Variants in CDH18 observed in about 807,000 individuals in gnomAD.
The protein encoded by CDH18 is cadherin-18.
CDH18 carries 31 observed loss-of-function variants against 67.9 expected under a neutral mutation model. The observed-to-expected ratio is 0.46, with a 90% CI of 0.34 to 0.62. The LOEUF is 0.62. Ranked by LOEUF, CDH18 falls within the 20% of genes least tolerant of loss-of-function variation. The probability of loss-of-function intolerance (pLI) is 0.01; values close to 1 mark genes in which losing one functional copy is unlikely to be tolerated. For missense variants in CDH18, 890 were observed against 975.5 expected, an observed-to-expected ratio of 0.91 and a Z score of 1.17; for synonymous variants, 362 against 347.2, an observed-to-expected ratio of 1.04 and a Z score of -0.48.
intron 2 of CDH18, among the ~76,000 whole-genome samples, chr5:20,048,520 G>C (rs1428915641): frequency 6.6e-6 from 1 of 151,718 alleles, no homozygotes; most frequent in East Asian, 1.9e-4. Flanking sequence ...CAGCAAAGGT[G>C]TTGTTATACC....
intron 1 of CDH18, among the ~76,000 whole-genome samples, chr5:20,276,085 A>G (rs1004931479): frequency 6.6e-6 from 1 of 152,182 alleles, no homozygotes; most frequent in Non-Finnish European, 1.5e-5. Flanking sequence ...GAGGTTCTAA[A>G]TAATCTTGAA....
intron 1 of CDH18, among the ~76,000 whole-genome samples, chr5:20,389,477 G>A (rs550433379): frequency 1.3e-5 from 2 of 151,962 alleles, no homozygotes; most frequent in Non-Finnish European, 2.9e-5. Context: ...CCTGAATACA[G>A]CACACTGATG....
At chr5:20,121,300 A>C (rs541130647) in intron 2 of CDH18, among the ~76,000 whole-genome samples, 25 of 152,324 alleles carry the variant, frequency 1.6e-4, no homozygotes, top group African/African-American at 5.8e-4. Context: ...AGAATTTCCA[A>C]GTCATTGAGG....
intron 2 of CDH18, among the ~76,000 whole-genome samples, chr5:19,911,288 T>C (rs1791116126): frequency 6.6e-6 from 1 of 152,144 alleles, no homozygotes; most frequent in Admixed American, 6.6e-5. Flanking sequence ...TCCCTCTGTT[T>C]AGCAAGGGAA....
At chr5:19,598,957 G>C (rs537049637) in intron 6 of CDH18, among the ~76,000 whole-genome samples, 1 of 152,184 alleles carries the variant, frequency 6.6e-6, no homozygotes, top group African/African-American at 2.4e-5. Context: ...GCACTAATAT[G>C]TGACTATTAA....
At chr5:19,880,961 A>C (rs1787578396) in intron 2 of CDH18, among the ~76,000 whole-genome samples, 1 of 152,096 alleles carries the variant, frequency 6.6e-6, no homozygotes, top group Non-Finnish European at 1.5e-5. Context: ...AACAATTTCT[A>C]TTTACTCTTA....
Position 19,757,126 on chromosome 5 carries a change from A to C in CDH18, c.229-9890T>G, listed in dbSNP as rs145991159. The stretch of plus-strand genomic sequence containing the variant: ...CCCACTGCCACACTTTTTTGTTGTA[A>C]AGTGAGTGCCTTAGTTAGAGGCAAT... On this transcript the variant is annotated intron_variant, in intron 3 of 12. Coordinates refer to ENST00000382275, the MANE Select transcript of CDH18 (RefSeq NM_004934.5). Among the ~76,000 whole-genome samples the C allele has an allele frequency of 1.6e-3, 241 of 152,308 alleles. 1 individual carries two copies. The highest frequency in any genetic ancestry group is 5.2e-3 in the African/African-American group (216 of 41,572).
At chr5:19,611,270 A>G (rs1322607650) in intron 6 of CDH18, among the ~76,000 whole-genome samples, 1 of 151,946 alleles carries the variant, frequency 6.6e-6, no homozygotes, top group African/African-American at 2.4e-5. Context: ...ACAAGCATGC[A>G]AAAGTGCTGT....
At chr5:20,015,686 T>C (rs1276130774) in intron 2 of CDH18, among the ~76,000 whole-genome samples, 2 of 152,138 alleles carry the variant, frequency 1.3e-5, no homozygotes, top group African/African-American at 4.8e-5. Flanking sequence ...ATGAGACAAC[T>C]GAACAGCAAA....
chr5:20,203,722 A>G (rs1739646206), intron 2 of CDH18, among the ~76,000 whole-genome samples: 1 of 152,116 alleles, frequency 6.6e-6, no homozygotes, highest in African/African-American at 2.4e-5. Context: ...ACATACTTCC[A>G]CAAGAAACAA....
At chr5:19,962,395 A>AAAAAAAAAAAAAAAAAAAAAAAT (rs58319680) in intron 2 of CDH18, among the ~76,000 whole-genome samples, 2 of 117,056 alleles carry the variant, frequency 1.7e-5, no homozygotes, top group Non-Finnish European at 3.5e-5. Context: ...AAAAAAAAAA[A>AAAAAAAAAAAAAAAAAAAAAAAT]AGAAAATTCA....
intron 1 of CDH18, among the ~76,000 whole-genome samples, chr5:20,385,056 C>G (rs1453200314): frequency 6.6e-6 from 1 of 152,020 alleles, no homozygotes; most frequent in African/African-American, 2.4e-5. Flanking sequence ...AGGCTGGTCT[C>G]GAGCTCCTGA....
chr5:20,091,350 GCA>G (rs1173294834), intron 2 of CDH18, among the ~76,000 whole-genome samples: 1 of 151,944 alleles, frequency 6.6e-6, no homozygotes, highest in Non-Finnish European at 1.5e-5. Context: ...ACTTAGCTGG[GCA>G]CAGTGTCATG....
At chr5:19,840,476 G>A (rs1056432436) in intron 2 of CDH18, among the ~76,000 whole-genome samples, 2 of 152,054 alleles carry the variant, frequency 1.3e-5, no homozygotes, top group African/African-American at 2.4e-5. Flanking sequence ...GCTGAGGCAG[G>A]CAGATCACTT....
chr5:20,373,538 T>C (rs929073955), intron 1 of CDH18, among the ~76,000 whole-genome samples: 3 of 152,144 alleles, frequency 2.0e-5, no homozygotes, highest in African/African-American at 7.2e-5. Flanking sequence ...TTGTTTTACT[T>C]GGCTTATGAA....
intron 3 of CDH18, among the ~76,000 whole-genome samples, chr5:19,836,285 C>G (rs532118650): frequency 1.3e-5 from 2 of 152,176 alleles, no homozygotes; most frequent in Non-Finnish European, 2.9e-5. Flanking sequence ...CTCCCACCAA[C>G]AGTGGAAAAG....
At chr5:19,632,060 A>T (rs1752492821) in intron 5 of CDH18, among the ~76,000 whole-genome samples, 1 of 152,172 alleles carries the variant, frequency 6.6e-6, no homozygotes, top group South Asian at 2.1e-4. Flanking sequence ...TATATGATCA[A>T]TGTGACATTA....
chr5:19,863,686 G>A (rs1283389345), intron 2 of CDH18, among the ~76,000 whole-genome samples: 1 of 152,110 alleles, frequency 6.6e-6, no homozygotes, highest in South Asian at 2.1e-4. Flanking sequence ...ATTGCCCCTG[G>A]CAGCAGGTGG....
chr5:19,685,369 C>T (rs780781967), intron 5 of CDH18, among the ~76,000 whole-genome samples: 1 of 152,162 alleles, frequency 6.6e-6, no homozygotes, highest in Non-Finnish European at 1.5e-5. Context: ...TTTATGACTA[C>T]ACAATCTGGG....
Sources: gnomAD v4.1 joint callset for allele counts (sites outside exome capture counted in the v4.1 genomes callset) on GRCh38, gnomAD v4.1.1 for gene constraint, MANE v1.5 for transcripts, NCBI Gene and HGNC (gene_info 2026-07-23, HGNC 2026-07-21) for gene names.